Variants in MACROD2 observed in about 807,000 individuals in gnomAD.
The protein encoded by MACROD2 is mono-ADP ribosylhydrolase 2.
MACROD2 carries 36 observed loss-of-function variants against 70.4 expected under a neutral mutation model. That is an observed-to-expected ratio of 0.51 (90% CI 0.39 to 0.68). MACROD2 has a LOEUF of 0.68. Ranked by LOEUF, MACROD2 falls within the 30% of genes least tolerant of loss-of-function variation. The pLI is 0.00. For synonymous variants in MACROD2, 172 were observed against 178.8 expected (o/e 0.96, Z 0.30); for missense variants, 496 against 538.4 (o/e 0.92, Z 0.78).
chr20:14,071,560 C>T (rs1395506141), intron 2 of MACROD2, among the ~76,000 whole-genome samples: 1 of 150,892 alleles, frequency 6.6e-6, no homozygotes, highest in Non-Finnish European at 1.5e-5. Flanking sequence ...GTGCTGGGCC[C>T]GACCATTTCA....
chr20:15,648,332 C>T (rs2049585602), intron 8 of MACROD2, among the ~76,000 whole-genome samples: 1 of 152,184 alleles, frequency 6.6e-6, no homozygotes, highest in Admixed American at 6.5e-5. Context: ...TTCTTGCTAT[C>T]ACTTGAATAA....
intron 5 of MACROD2, among the ~76,000 whole-genome samples, chr20:15,030,138 T>C (rs1174588857): frequency 6.6e-6 from 1 of 151,082 alleles, no homozygotes; most frequent in Non-Finnish European, 1.5e-5. Context: ...TTCAGTGTAC[T>C]CCAGCAGATT....
chr20:14,100,795 T>G (rs8113871), intron 3 of MACROD2, among the ~76,000 whole-genome samples: 5,621 of 139,548 alleles, frequency 0.04, 160 homozygotes, highest in African/African-American at 0.076. Flanking sequence ...TATTATATAT[T>G]ATATATGATA....
intron 3 of MACROD2, among the ~76,000 whole-genome samples, chr20:14,305,740 C>T (rs928366399): frequency 7.9e-5 from 12 of 152,130 alleles, no homozygotes; most frequent in Admixed American, 3.3e-4. Context: ...AATTCTTTAA[C>T]ATTCTAGTCC....
At chr20:15,141,153 A>G (rs973417345) in intron 5 of MACROD2, among the ~76,000 whole-genome samples, 3 of 151,604 alleles carry the variant, frequency 2.0e-5, no homozygotes, top group Non-Finnish European at 4.4e-5. Context: ...GCATGTGGTT[A>G]TATATCTGCA....
At chr20:14,773,447 C>G (rs1266617651) in intron 5 of MACROD2, among the ~76,000 whole-genome samples, 2 of 152,014 alleles carry the variant, frequency 1.3e-5, no homozygotes, top group Admixed American at 1.3e-4. Flanking sequence ...TTTTAGACTT[C>G]ACATATAAAT....
At chr20:15,789,273 T>C (rs1330528951) in intron 8 of MACROD2, among the ~76,000 whole-genome samples, 1 of 152,200 alleles carries the variant, frequency 6.6e-6, no homozygotes, top group African/African-American at 2.4e-5. Context: ...GTTGAAAGCA[T>C]GTTTTGAACT....
intron 7 of MACROD2, among the ~76,000 whole-genome samples, chr20:15,477,202 G>A (rs1055801802): frequency 2.7e-5 from 4 of 145,882 alleles, no homozygotes; most frequent in African/African-American, 1.0e-4. Flanking sequence ...CTGGGCTCAA[G>A]TGATCCTCCT....
At position 15,499,822 on chromosome 20, in the gene MACROD2, A is replaced by T. The variant is rs777667228; in HGVS notation, c.620A>T (p.Glu207Val). The change falls in exon 8 of 18, where the codon GAA becomes GTA. Residue 207 changes from glutamate to valine, a missense_variant. By Grantham distance (121) the Glu-to-Val change is moderately radical (BLOSUM62 -2). Coordinates refer to ENST00000684519, the MANE Select transcript of MACROD2 (RefSeq NM_001351661.2). ...GTCATTGCCCTCAACACCATTAAGG[A>T]ATGGCTTGCCAAGAATCACCATGAG... ...AAVIALNTIK[E>V]WLAKNHHEVD... is the part of the protein sequence containing the mutation. 2 of 1,613,796 alleles carry T rather than the reference A, an allele frequency of 1.2e-6. No individual in the cohort carries two copies. Among genetic ancestry groups the T allele is most frequent in the Non-Finnish European group, 1.7e-6 (2 of 1,179,758 alleles).
chr20:15,721,734 G>C (rs932102681), intron 8 of MACROD2, among the ~76,000 whole-genome samples: 1 of 151,942 alleles, frequency 6.6e-6, no homozygotes, highest in Non-Finnish European at 1.5e-5. Flanking sequence ...TGTATTTTGG[G>C]TGGATCACAC....
chr20:15,894,530 A>G (rs1385072823), intron 10 of MACROD2, among the ~76,000 whole-genome samples: 1 of 152,198 alleles, frequency 6.6e-6, no homozygotes, highest in African/African-American at 2.4e-5. Flanking sequence ...GGTCTGAGAG[A>G]GACACAAGAT....
chr20:15,377,508 G>A (rs1464080049), intron 6 of MACROD2, among the ~76,000 whole-genome samples: 1 of 152,166 alleles, frequency 6.6e-6, no homozygotes, highest in Non-Finnish European at 1.5e-5. Flanking sequence ...GGAGGAATTA[G>A]TATTTCTCAT....
intron 4 of MACROD2, among the ~76,000 whole-genome samples, chr20:14,518,045 C>G (rs753148052): frequency 6.6e-6 from 1 of 151,986 alleles, no homozygotes; most frequent in Non-Finnish European, 1.5e-5. Context: ...ACAATGGTTA[C>G]TGGAAAACAT....
At chr20:14,624,123 A>G (rs1043342282) in intron 4 of MACROD2, among the ~76,000 whole-genome samples, 5 of 152,190 alleles carry the variant, frequency 3.3e-5, no homozygotes, top group South Asian at 2.1e-4. Context: ...AAGTCTTGGT[A>G]AGGCATGTGT....
intron 6 of MACROD2, among the ~76,000 whole-genome samples, chr20:15,276,260 C>T (rs1366498468): frequency 6.6e-6 from 1 of 151,950 alleles, no homozygotes; most frequent in Non-Finnish European, 1.5e-5. Context: ...ATTAGCTGGG[C>T]ATGGTGGCAG....
At chr20:15,811,198 G>A (rs544114057) in intron 8 of MACROD2, among the ~76,000 whole-genome samples, 1,945 of 151,682 alleles carry the variant, frequency 0.013, 48 homozygotes, top group African/African-American at 0.044. Context: ...TCTGACAAAG[G>A]GCTAATATCC....
In MACROD2 at chr20:14,493,466, T is replaced by C. The variant is rs766156232; in HGVS notation, c.272-13T>C. On this transcript the variant is annotated splice_polypyrimidine_tract_variant and intron_variant, in intron 3 of 17. Coordinates refer to ENST00000684519, the MANE Select transcript of MACROD2 (RefSeq NM_001351661.2). Reference sequence around the variant, plus strand: ...ATTATTTAATGTCTTTTGTTGTGTTTTGTTTTAAACAGCAAATGCCAGTCT... The same window carrying C: ...ATTATTTAATGTCTTTTGTTGTGTTCTGTTTTAAACAGCAAATGCCAGTCT... 3 of 1,605,924 alleles carry C rather than the reference T, an allele frequency of 1.9e-6. No individual in the cohort carries two copies. The highest frequency in any genetic ancestry group is 2.2e-5 in the South Asian group (2 of 90,574).
chr20:15,152,072 G>A (rs1008983667), intron 5 of MACROD2, among the ~76,000 whole-genome samples: 2 of 152,068 alleles, frequency 1.3e-5, no homozygotes, highest in Admixed American at 6.5e-5. Flanking sequence ...AGAATGCCTG[G>A]ACGTCAGGCA....
intron 7 of MACROD2, among the ~76,000 whole-genome samples, chr20:15,438,164 A>G (rs79135873): frequency 1.3e-5 from 2 of 151,868 alleles, no homozygotes; most frequent in African/African-American, 2.4e-5. Flanking sequence ...AAAAAAAAAA[A>G]GAATGATTTA....
Sources: gnomAD v4.1 joint callset for allele counts (sites outside exome capture counted in the v4.1 genomes callset) on GRCh38, gnomAD v4.1.1 for gene constraint, MANE v1.5 for transcripts, NCBI Gene and HGNC (gene_info 2026-07-23, HGNC 2026-07-21) for gene names.